The following MAST2 variants were observed in gnomAD, a reference collection of about 807,000 sequenced individuals.
MAST2 encodes microtubule-associated serine/threonine-protein kinase 2.
A neutral mutation model predicts 147.4 loss-of-function variants in MAST2; 70 were observed. The observed-to-expected ratio is 0.47, with a 90% CI of 0.39 to 0.58. The LOEUF (loss-of-function observed/expected upper bound fraction) is 0.58. MAST2 is among the 20% of genes least tolerant of loss of function. The pLI, the probability that MAST2 is intolerant of heterozygous loss-of-function variation, is 0.00. For missense variants in MAST2, 2,080 were observed against 2,302.3 expected, an observed-to-expected ratio of 0.90 and a Z score of 1.98; for synonymous variants, 869 against 896.8, an observed-to-expected ratio of 0.97 and a Z score of 0.55.
At chr1:45,894,145 G>A (rs1648326427) in intron 4 of MAST2, among the ~76,000 whole-genome samples, 1 of 151,932 alleles carries the variant, frequency 6.6e-6, no homozygotes, top group African/African-American at 2.4e-5. Flanking sequence ...GAGCCTGGGA[G>A]GTGGAGGTTG....
chr1:45,913,887 G>A, intron 4 of MAST2: 1 of 1,236,038 alleles, frequency 8.1e-7, no homozygotes. Flanking sequence ...TCAGTAAGGA[G>A]GTTGGGGTCT....
intron 5 of MAST2, among the ~76,000 whole-genome samples, chr1:45,984,236 G>A (rs1474827920): frequency 2.6e-5 from 4 of 151,966 alleles, no homozygotes; most frequent in African/African-American, 9.7e-5. Context: ...AATAAATACA[G>A]CCAACAATGC....
Position 46,025,684 on chromosome 1 carries a change from CTG to C in MAST2, c.1791_1792del (p.Ala598HisfsTer37). ...MVMEYVEGGD[C>X]ATLLKNIGAL... is the part of the protein sequence containing the mutation. ...AGCCTGGGCTTGTTGCAGGGGGAGACTGTGCCACTCTGCTGAAGAATATTGGG... is the reference window on the plus strand; with the variant it reads ...AGCCTGGGCTTGTTGCAGGGGGAGACTGCCACTCTGCTGAAGAATATTGGG... On this transcript the variant is annotated frameshift_variant, in exon 16 of 29. Coordinates refer to ENST00000361297, the MANE Select transcript of MAST2 (RefSeq NM_015112.3). LOFTEE classifies it high-confidence loss of function. The C allele has an allele frequency of 1.2e-6, 2 of 1,614,116 alleles. No homozygotes were observed. Among genetic ancestry groups the C allele is most frequent in the Non-Finnish European group, 1.7e-6 (2 of 1,180,032 alleles).
intron 4 of MAST2, among the ~76,000 whole-genome samples, chr1:45,883,912 G>GCCCCCCCCCCCCC (rs369757720): frequency 4.0e-4 from 1 of 2,506 alleles, no homozygotes. Context: ...TACTATTTCT[G>GCCCCCCCCCCCCC]CCCCCCCCGC....
At chr1:45,847,268 G>T (rs1016294361) in intron 3 of MAST2, 1 of 510,634 alleles carries the variant, frequency 2.0e-6, no homozygotes, top group South Asian at 1.5e-5. Flanking sequence ...TCTGCTTGAT[G>T]ATGGTGTCCT....
intron 4 of MAST2, among the ~76,000 whole-genome samples, chr1:45,940,185 G>C (rs1051047520): frequency 4.0e-5 from 6 of 151,606 alleles, no homozygotes; most frequent in Non-Finnish European, 8.8e-5. Flanking sequence ...TAGACATGGG[G>C]TTTTGCCGTG....
At chr1:45,932,276 A>G (rs1466046200) in intron 4 of MAST2, among the ~76,000 whole-genome samples, 10 of 152,124 alleles carry the variant, frequency 6.6e-5, no homozygotes, top group Admixed American at 6.5e-4. Context: ...ACCAAATGGT[A>G]TTTTTACAAT....
At chr1:45,821,451 G>C (rs1644624825) in intron 1 of MAST2, among the ~76,000 whole-genome samples, 1 of 151,044 alleles carries the variant, frequency 6.6e-6, no homozygotes, top group Non-Finnish European at 1.5e-5. Context: ...AAGTCACGGA[G>C]CTTCTTGGAT....
chr1:45,923,509 T>C (rs1412860381), intron 4 of MAST2, among the ~76,000 whole-genome samples: 1 of 152,212 alleles, frequency 6.6e-6, no homozygotes, highest in African/African-American at 2.4e-5. Flanking sequence ...CTCACACCAG[T>C]TCTGTGAGAG....
intron 4 of MAST2, among the ~76,000 whole-genome samples, chr1:45,917,037 C>G (rs1652648838): frequency 1.3e-5 from 2 of 152,118 alleles, no homozygotes; most frequent in Non-Finnish European, 1.5e-5. Flanking sequence ...AAGATCGTGC[C>G]ATTGCACTCT....
Position 46,032,311 on chromosome 1 carries a change from C to T in MAST2, c.3321C>T (p.Ile1107=), listed in dbSNP as rs1241893667. ...GCAGCATGAGGCCTCCCATCATCAT[C>T]CACCGAGCTGGCAAGAAGTATGGCT... is the stretch of plus-strand genomic sequence containing the variant. The part of the protein sequence containing the change: ...ALGSMRPPII[I]HRAGKKYGFT... Residue 1107 remains isoleucine (I), a synonymous_variant, in exon 25 of 29, where the codon ATC becomes ATT. Transcript: ENST00000361297. The T allele has an allele frequency of 6.2e-7, 1 of 1,614,114 alleles. No homozygotes were observed. The highest frequency in any genetic ancestry group is 8.5e-7 in the Non-Finnish European group (1 of 1,180,048).
chr1:45,869,780 A>G (rs1646304639), intron 3 of MAST2, among the ~76,000 whole-genome samples: 1 of 152,246 alleles, frequency 6.6e-6, no homozygotes, highest in Non-Finnish European at 1.5e-5. Context: ...AAAGTACAGT[A>G]TATTACCTTA....
Position 46,031,122 on chromosome 1 carries a change from G to A in MAST2, c.2824G>A (p.Gly942Ser). The change falls in exon 23 of 29, where the codon GGC becomes AGC. Residue 942 changes from glycine (G) to serine (S), a missense_variant. This residue lies in a region of MAST2 where 1,278 missense variants were observed against 1,304.2 expected (regional missense o/e 0.98). Transcript: ENST00000361297. This position sits in a 1 kb window ranked among gnomAD's most constrained non-coding sequence, Gnocchi z 4.1. ...GLLDAPRFPEGPEEASSTLRR... is the reference protein window; with the variant it reads ...GLLDAPRFPESPEEASSTLRR... Reference sequence around the variant, plus strand: ...CCTGGATGCGCCTCGGTTCCCGGAGGGCCCTGAGGAGGCCAGCAGCACCCT... The same window carrying A: ...CCTGGATGCGCCTCGGTTCCCGGAGAGCCCTGAGGAGGCCAGCAGCACCCT... 1 of 1,611,150 alleles carries A rather than the reference G, an allele frequency of 6.2e-7. No individual in the cohort carries two copies. The highest frequency in any genetic ancestry group is 1.1e-5 in the South Asian group (1 of 90,856).
At chr1:46,025,148 G>A (rs976314762) in intron 15 of MAST2, among the ~76,000 whole-genome samples, 2 of 151,996 alleles carry the variant, frequency 1.3e-5, no homozygotes, top group Admixed American at 6.6e-5. Context: ...GCGAAACCCC[G>A]TCTCTACAAA....
At chr1:45,944,394 A>T (rs1657745772) in intron 4 of MAST2, among the ~76,000 whole-genome samples, 1 of 152,022 alleles carries the variant, frequency 6.6e-6, no homozygotes, top group Non-Finnish European at 1.5e-5. Flanking sequence ...ACTACTTTAA[A>T]TTTTTTTATC....
In MAST2 at chr1:45,864,084, A is replaced by C. The variant is rs144875881; in HGVS notation, c.469-18280A>C. ...ATCTTTCACTCTTAAAATCTAAAAG[A>C]TTATGTATTTTGAGCCATGAATTAA... On this transcript the variant is annotated intron_variant, in intron 3 of 28. Transcript: ENST00000361297. Among the ~76,000 whole-genome samples the C allele has an allele frequency of 5.8e-4, 89 of 152,302 alleles. 1 individual carries two copies. The East Asian group carries it at 0.014, about 24-fold the overall frequency.
At chr1:45,805,656 T>C (rs1215367277) in intron 1 of MAST2, among the ~76,000 whole-genome samples, 1 of 152,210 alleles carries the variant, frequency 6.6e-6, no homozygotes, top group Non-Finnish European at 1.5e-5. Flanking sequence ...TTTTCCCTCC[T>C]CTTTATTTTA....
chr1:46,014,561 A>C (rs1571212648), intron 10 of MAST2, among the ~76,000 whole-genome samples: 1 of 151,754 alleles, frequency 6.6e-6, no homozygotes, highest in African/African-American at 2.4e-5. Flanking sequence ...ACATTTTCTT[A>C]ATCCAGTCTA....
intron 1 of MAST2, among the ~76,000 whole-genome samples, chr1:45,806,799 G>A (rs1644155830): frequency 1.3e-5 from 2 of 152,096 alleles, no homozygotes; most frequent in South Asian, 4.1e-4. Context: ...CTAGTCACGA[G>A]CTCCTAACCT....
Sources: allele counts gnomAD v4.1 joint callset (sites outside exome capture counted in the v4.1 genomes callset), GRCh38; gene constraint gnomAD v4.1.1; regional missense constraint gnomAD v4.1.1; non-coding constraint Gnocchi (gnomAD v3.1); transcripts MANE v1.5; gene names NCBI Gene and HGNC (gene_info 2026-07-23, HGNC 2026-07-21).